CNTLN: variants seen among roughly 807,000 people sequenced by gnomAD.
The protein encoded by CNTLN is centlein, centrosomal protein.
Under a neutral mutation model 180.0 loss-of-function variants are expected in CNTLN, and 212 were observed. The observed-to-expected ratio is 1.18, with a 90% CI of 1.05 to 1.32. The LOEUF (loss-of-function observed/expected upper bound fraction) is 1.32. CNTLN is among the 40% of genes most tolerant of loss of function. CNTLN has a pLI of 0.00. For synonymous variants in CNTLN, 722 were observed against 563.1 expected (o/e 1.28, Z -3.99); for missense variants, 2,095 against 1,610.9 (o/e 1.30, Z -5.14).
intron 6 of CNTLN, among the ~76,000 whole-genome samples, chr9:17,276,969 G>C (rs577582174): frequency 9.1e-4 from 138 of 152,148 alleles, no homozygotes; most frequent in African/African-American, 3.2e-3. Context: ...GTACATGTCT[G>C]TAATCTGTAT....
At chr9:17,315,914 AT>A (rs905930417) in intron 8 of CNTLN, among the ~76,000 whole-genome samples, 1 of 151,674 alleles carries the variant, frequency 6.6e-6, no homozygotes, top group Non-Finnish European at 1.5e-5. Context: ...GAGATGTTGA[AT>A]TTTTCCAACC....
chr9:17,226,428 C>G (rs1008404522), intron 3 of CNTLN, 141 bp downstream of exon 3: 2 of 467,536 alleles, frequency 4.3e-6, no homozygotes, highest in Non-Finnish European at 7.6e-6. Context: ...TTTGAAGTCA[C>G]TAGTAAGATT....
At chr9:17,384,189 C>T (rs925470930) in intron 13 of CNTLN, among the ~76,000 whole-genome samples, 1 of 151,448 alleles carries the variant, frequency 6.6e-6, no homozygotes, top group Non-Finnish European at 1.5e-5. Flanking sequence ...ATTCATCCAG[C>T]GAGCTAATAG....
At chr9:17,511,869 G>A in the CNTLN span, among the ~76,000 whole-genome samples, 1 of 152,114 alleles carries the variant, frequency 6.6e-6, no homozygotes, top group African/African-American at 2.4e-5. Flanking sequence ...AGTGGACTTA[G>A]AATAAATATT....
rs145994276 is a variant in CNTLN at position 17,215,856 on chromosome 9, G to A, written c.450-10347G>A. On this transcript the variant is annotated intron_variant, in intron 2 of 25. Coordinates refer to ENST00000380647, the MANE Select transcript of CNTLN (RefSeq NM_017738.4). ...GGGTGTGGGACCCTCTGAGCCAGGC[G>A]CGGGGTATAATCTCCTGGTGTGCCG... Among the ~76,000 whole-genome samples the A allele has an allele frequency of 6.9e-3, 1,057 of 152,268 alleles. 9 individuals carry two copies. The highest frequency in any genetic ancestry group is 0.01 in the Admixed American group (156 of 15,294).
At chr9:17,469,696 A>G (rs1831951200) in intron 23 of CNTLN, among the ~76,000 whole-genome samples, 1 of 151,668 alleles carries the variant, frequency 6.6e-6, no homozygotes, top group South Asian at 2.1e-4. Context: ...TATTGTGCTT[A>G]CTCCTGCCTT....
chr9:17,192,912 G>T (rs1409296775), intron 2 of CNTLN, among the ~76,000 whole-genome samples: 1 of 152,146 alleles, frequency 6.6e-6, no homozygotes, highest in Non-Finnish European at 1.5e-5. Flanking sequence ...AGTTCAGTTG[G>T]ACTTACAGTT....
chr9:17,257,539 G>T (rs13293823), intron 5 of CNTLN, among the ~76,000 whole-genome samples: 2,780 of 151,454 alleles, frequency 0.018, 117 homozygotes, highest in African/African-American at 0.065. Flanking sequence ...CTAGATCCCT[G>T]AGGAATCGCC....
intron 7 of CNTLN, among the ~76,000 whole-genome samples, chr9:17,304,824 A>G (rs1818598185): frequency 6.6e-6 from 1 of 152,068 alleles, no homozygotes; most frequent in Non-Finnish European, 1.5e-5. Flanking sequence ...AGTAATCCGG[A>G]GATGGTTTAA....
intron 15 of CNTLN, among the ~76,000 whole-genome samples, chr9:17,398,273 A>G (rs1016282590): frequency 1.3e-5 from 2 of 152,194 alleles, no homozygotes; most frequent in African/African-American, 4.8e-5. Context: ...GCTAGAAGTC[A>G]ATACTATGAC....
intron 19 of CNTLN, 32 bp downstream of exon 19, chr9:17,457,747 T>C: frequency 1.6e-6 from 2 of 1,268,002 alleles, no homozygotes; most frequent in Non-Finnish European, 1.0e-6. Flanking sequence ...CATGAAAACA[T>C]ACATTATGCT....
At chr9:17,293,109 A>G (rs1233862793) in intron 6 of CNTLN, among the ~76,000 whole-genome samples, 1 of 152,202 alleles carries the variant, frequency 6.6e-6, no homozygotes, top group Non-Finnish European at 1.5e-5. Context: ...CAACAGTGGA[A>G]GATGCAGAAT....
intron 23 of CNTLN, among the ~76,000 whole-genome samples, chr9:17,478,394 C>T (rs1406853177): frequency 6.6e-6 from 1 of 151,906 alleles, no homozygotes; most frequent in African/African-American, 2.4e-5. Context: ...TGTGCAGAAG[C>T]CTTTTAGTTT....
intron 5 of CNTLN, among the ~76,000 whole-genome samples, chr9:17,241,434 T>C (rs961958436): frequency 1.3e-5 from 2 of 152,186 alleles, no homozygotes; most frequent in Admixed American, 1.3e-4. Flanking sequence ...TTTATGACAG[T>C]ACCATGTCAT....
intron 8 of CNTLN, among the ~76,000 whole-genome samples, chr9:17,325,324 A>C (rs1343205791): frequency 6.6e-6 from 1 of 151,404 alleles, no homozygotes; most frequent in African/African-American, 2.4e-5. Context: ...ATATAAAGTT[A>C]ATCTCTGAAT....
intron 5 of CNTLN, among the ~76,000 whole-genome samples, chr9:17,266,907 C>G (rs1827503907): frequency 6.6e-6 from 1 of 152,096 alleles, no homozygotes. Context: ...CTTTCTCCAT[C>G]CCTTTATTTT....
At chr9:17,265,595 A>G (rs1827364147) in intron 5 of CNTLN, among the ~76,000 whole-genome samples, 1 of 152,140 alleles carries the variant, frequency 6.6e-6, no homozygotes, top group Admixed American at 6.5e-5. Flanking sequence ...ATTGATTGGA[A>G]TAGTTTCAGA....
intron 6 of CNTLN, among the ~76,000 whole-genome samples, chr9:17,293,231 G>T (rs1376172089): frequency 3.9e-5 from 6 of 152,214 alleles, no homozygotes; most frequent in Admixed American, 3.9e-4. Flanking sequence ...ACCCCTGTTG[G>T]GGTCTCACCC....
chr9:17,467,770 T>C (rs1433845261), intron 23 of CNTLN, among the ~76,000 whole-genome samples: 19 of 151,584 alleles, frequency 1.3e-4, no homozygotes, highest in Admixed American at 4.6e-4. Context: ...TCATTAAATA[T>C]TGTGACTTAT....
Sources: gnomAD v4.1 joint callset for allele counts (sites outside exome capture counted in the v4.1 genomes callset) on GRCh38, gnomAD v4.1.1 for gene constraint, MANE v1.5 for transcripts, NCBI Gene and HGNC (gene_info 2026-07-23, HGNC 2026-07-21) for gene names.